The following WDR27 variants were observed in gnomAD, a reference collection of about 807,000 sequenced individuals.
WDR27 encodes WD repeat-containing protein 27.
A neutral mutation model predicts 114.4 loss-of-function variants in WDR27; 100 were observed. The ratio of observed to expected loss-of-function variants is 0.87; its 90% CI spans 0.74 to 1.03. The LOEUF (loss-of-function observed/expected upper bound fraction) is 1.03, where lower values mean the gene tolerates loss of function less well. Among genes scored for constraint, WDR27 ranks in the 50% least tolerant of loss-of-function variants. The pLI, the probability that WDR27 is intolerant of heterozygous loss-of-function variation, is 0.00. For synonymous variants in WDR27, 449 were observed against 423.1 expected (o/e 1.06, Z -0.75); for missense variants, 1,129 against 1,092.9 (o/e 1.03, Z -0.47).
chr6:169,484,233 C>A (rs1788578149), intron 25 of WDR27, among the ~76,000 whole-genome samples: 1 of 152,168 alleles, frequency 6.6e-6, no homozygotes, highest in African/African-American at 2.4e-5. Flanking sequence ...GGAAATAAAA[C>A]TATCTTTGTT....
At chr6:169,433,646 G>C in the WDR27 span, among the ~76,000 whole-genome samples, 1 of 152,156 alleles carries the variant, frequency 6.6e-6, no homozygotes, top group African/African-American at 2.4e-5. Context: ...CCTGGTTCTA[G>C]ATCCTTGAGG....
rs12196705 is a variant in WDR27 at position 169,665,257 on chromosome 6, G to C, written c.783+229C>G. 5,458 of 1,299,102 alleles carry C rather than the reference G, an allele frequency of 4.2e-3. 19 individuals carry two copies. Among genetic ancestry groups the C allele is most frequent in the Middle Eastern group, 0.015 (52 of 3,488 alleles). 80.5% of individuals were successfully genotyped at this position (1,299,102 alleles called of 1,614,324 possible). ...TTGCTGCACTCCAGAACCACGCATG[G>C]AGCTCTGGGACATGCAGACCCAGCT... On this transcript the variant is annotated intron_variant, in intron 7 of 25. Transcript: ENST00000448612.
chr6:169,647,921 T>C lies in WDR27; in HGVS notation c.1560-51A>G, dbSNP rs781775594. On this transcript the variant is annotated intron_variant, in intron 15 of 25. Transcript: ENST00000448612. ...GATCGGGAGACATTCACAGTGAGAT[T>C]AGAAGTAAAACATAAGCAAGAAACG... 88 of 1,351,402 alleles carry C rather than the reference T, an allele frequency of 6.5e-5. No homozygotes were observed. The Middle Eastern group carries it at 7.2e-4, about 11-fold the overall frequency. 83.7% of individuals were successfully genotyped at this position (1,351,402 alleles called of 1,614,324 possible).
intron 24 of WDR27, among the ~76,000 whole-genome samples, chr6:169,581,000 G>C (rs369721261): frequency 6.8e-6 from 1 of 147,824 alleles, no homozygotes; most frequent in South Asian, 2.1e-4. Context: ...TATCCTTAAT[G>C]AATCAGTGTG....
intron 25 of WDR27, among the ~76,000 whole-genome samples, chr6:169,519,636 C>A (rs544866000): frequency 6.6e-6 from 1 of 152,134 alleles, no homozygotes; most frequent in Non-Finnish European, 1.5e-5. Flanking sequence ...CACCTCCCAC[C>A]AGGCCCTCCC....
chr6:169,454,326 T>C (rs1784269394), downstream of WDR27, among the ~76,000 whole-genome samples: 1 of 152,146 alleles, frequency 6.6e-6, no homozygotes, highest in South Asian at 2.1e-4. Flanking sequence ...AAAGATTTCT[T>C]GGTGGTCCTG....
At position 169,485,232 on chromosome 6, in the gene WDR27, C is replaced by T. The variant is rs144342636; in HGVS notation, c.2646-27598G>A. 2.0e-4 allele frequency among the ~76,000 whole-genome samples: 30 copies of T among 152,266 alleles called. No homozygotes were observed. The East Asian group carries it at 5.8e-3, about 29-fold the overall frequency. ...ACAAACAACAGAGTAAACAGATAAC[C>T]TACAGGATAAGATAAAGTATTTGCA... On this transcript the variant is annotated intron_variant, in intron 25 of 25. Transcript: ENST00000448612.
At chr6:169,623,745 T>C (rs1475383452) in intron 21 of WDR27, among the ~76,000 whole-genome samples, 1 of 152,194 alleles carries the variant, frequency 6.6e-6, no homozygotes, top group Non-Finnish European at 1.5e-5. Flanking sequence ...TGCACATATT[T>C]TGGGGTACAG....
At chr6:169,633,711 G>A (rs569906450) in intron 20 of WDR27, among the ~76,000 whole-genome samples, 51 of 152,298 alleles carry the variant, frequency 3.3e-4, no homozygotes, top group African/African-American at 9.6e-4. Flanking sequence ...TGGTGTTAGC[G>A]TTGGATTACT....
chr6:169,582,054 A>C (rs1584374750), intron 24 of WDR27, among the ~76,000 whole-genome samples: 1 of 152,188 alleles, frequency 6.6e-6, no homozygotes, highest in African/African-American at 2.4e-5. Context: ...ACTCACTGCA[A>C]CCGCCGCCTC....
chr6:169,539,815 C>T (rs770816531), intron 25 of WDR27, among the ~76,000 whole-genome samples: 1 of 152,200 alleles, frequency 6.6e-6, no homozygotes, highest in Non-Finnish European at 1.5e-5. Flanking sequence ...CTGGGAAACA[C>T]AATAACCCCT....
At position 169,668,822 on chromosome 6, in the gene WDR27, C is replaced by T. The variant is rs62422545; in HGVS notation, c.457-637G>A. 9.2e-3 allele frequency: 1,400 copies of T among 152,414 alleles called. 13 individuals carry two copies. Among genetic ancestry groups the T allele is most frequent in the Non-Finnish European group, 0.015 (1,028 of 68,132 alleles). The allele number at this position is 152,414 out of a possible 1,614,324, so 9.4% of individuals were successfully genotyped here. ...TTAATATACATGCAGAAAAAATAAA[C>T]ATGTATATATATGGTGACTTAACTT... is the stretch of plus-strand genomic sequence containing the variant. On this transcript the variant is annotated intron_variant, in intron 4 of 25. Coordinates refer to ENST00000448612, the MANE Select transcript of WDR27 (RefSeq NM_182552.5).
chr6:169,596,773 C>A (rs1314854227), intron 23 of WDR27, among the ~76,000 whole-genome samples: 1 of 152,032 alleles, frequency 6.6e-6, no homozygotes, highest in African/African-American at 2.4e-5. Context: ...AGAGAGCTTG[C>A]AGAATATTTT....
At chr6:169,598,888 A>C (rs1305482450) in intron 23 of WDR27, among the ~76,000 whole-genome samples, 2 of 152,254 alleles carry the variant, frequency 1.3e-5, no homozygotes, top group Non-Finnish European at 2.9e-5. Context: ...GGTTACTGCC[A>C]GCGCTCATTT....
chr6:169,470,527 G>A lies in WDR27; in HGVS notation c.2646-12893C>T, dbSNP rs537509838. Among the ~76,000 whole-genome samples, 35 of 152,350 alleles carry A rather than the reference G, an allele frequency of 2.3e-4. No individual in the cohort carries two copies. In the South Asian group the frequency reaches 6.8e-3, roughly 30 times the overall value. On this transcript the variant is annotated intron_variant, in intron 25 of 25. Coordinates refer to ENST00000448612, the MANE Select transcript of WDR27 (RefSeq NM_182552.5). ...ATTATCATTTGCAGTTCTGGAGCTAGAAGTCTGAGACCTAGATGCCAGGAT... is the reference window on the plus strand; with the variant it reads ...ATTATCATTTGCAGTTCTGGAGCTAAAAGTCTGAGACCTAGATGCCAGGAT...
At chr6:169,618,636 A>AC (rs1279921470) in intron 21 of WDR27, among the ~76,000 whole-genome samples, 3 of 138,872 alleles carry the variant, frequency 2.2e-5, no homozygotes, top group Non-Finnish European at 4.5e-5. Context: ...GCAAAAAAAA[A>AC]AAAAAAAAAA....
intron 25 of WDR27, among the ~76,000 whole-genome samples, chr6:169,535,052 T>C (rs1584039656): frequency 6.6e-6 from 1 of 152,138 alleles, no homozygotes; most frequent in East Asian, 1.9e-4. Context: ...TACCATGGCA[T>C]AGTGCAAAAA....
At chr6:169,683,897 T>G (rs115685531) in intron 2 of WDR27, among the ~76,000 whole-genome samples, 1,969 of 152,256 alleles carry the variant, frequency 0.013, 32 homozygotes, top group African/African-American at 0.044. Context: ...GAGCACGAAG[T>G]GTGCACTCCT....
chr6:169,523,042 T>A (rs929289522), intron 25 of WDR27, among the ~76,000 whole-genome samples: 1 of 151,800 alleles, frequency 6.6e-6, no homozygotes, highest in Non-Finnish European at 1.5e-5. Flanking sequence ...CTGACAAACA[T>A]TTGGCTAGAC....
Sources: gnomAD v4.1 joint callset for allele counts (sites outside exome capture counted in the v4.1 genomes callset) on GRCh38, gnomAD v4.1.1 for gene constraint, MANE v1.5 for transcripts, NCBI Gene and HGNC (gene_info 2026-07-23, HGNC 2026-07-21) for gene names.